The following NXPH1 variants were observed in gnomAD, a reference collection of about 807,000 sequenced individuals.
NXPH1 encodes neurexophilin 1, also known as neurexophilin-1.
NXPH1 carries 5 observed loss-of-function variants against 23.7 expected under a neutral mutation model. That is an observed-to-expected ratio of 0.21 (90% CI 0.11 to 0.44). The LOEUF (loss-of-function observed/expected upper bound fraction) is 0.44. Among genes scored for constraint, NXPH1 ranks in the 20% least tolerant of loss-of-function variants. The pLI is 0.99. For synonymous variants in NXPH1, 144 were observed against 122.2 expected (o/e 1.18, Z -1.18); for missense variants, 324 against 321.6 (o/e 1.01, Z -0.06).
intron 2 of NXPH1, among the ~76,000 whole-genome samples, chr7:8,537,334 G>C (rs572532623): frequency 2.6e-5 from 4 of 152,080 alleles, no homozygotes; most frequent in African/African-American, 9.6e-5. Flanking sequence ...AGGCATACTT[G>C]AGACTGGGTA....
rs1019886945 is a variant in NXPH1 at position 8,693,149 on chromosome 7, C to T, written c.55-57859C>T. Among the ~76,000 whole-genome samples, 4 of 151,984 alleles carry T rather than the reference C, an allele frequency of 2.6e-5. No homozygotes were observed. In the East Asian group the frequency reaches 7.7e-4, roughly 29 times the overall value. ...TCTCATTCTCCATTTGCTTCAAAAA[C>T]AAAAACCAAGAAACAACCCCCGCCG... is the stretch of plus-strand genomic sequence containing the variant. On this transcript the variant is annotated intron_variant, in intron 2 of 2. Coordinates refer to ENST00000405863, the MANE Select transcript of NXPH1 (RefSeq NM_152745.3).
At chr7:8,606,989 C>G (rs1301386383) in intron 2 of NXPH1, among the ~76,000 whole-genome samples, 1 of 152,080 alleles carries the variant, frequency 6.6e-6, no homozygotes, top group African/African-American at 2.4e-5. Flanking sequence ...ATAACCTATT[C>G]TTAGTAAATT....
chr7:8,582,718 G>A (rs1818904543), intron 2 of NXPH1, among the ~76,000 whole-genome samples: 1 of 152,136 alleles, frequency 6.6e-6, no homozygotes, highest in Non-Finnish European at 1.5e-5. Flanking sequence ...GGCCCCACAG[G>A]TGGGCCAGAA....
chr7:8,443,720 G>A (rs1028004635), intron 2 of NXPH1, among the ~76,000 whole-genome samples: 1 of 151,970 alleles, frequency 6.6e-6, no homozygotes, highest in East Asian at 1.9e-4. Context: ...GCAGACGAAT[G>A]GGGGATGCAG....
intron 2 of NXPH1, among the ~76,000 whole-genome samples, chr7:8,704,352 C>A (rs957792333): frequency 3.3e-5 from 5 of 152,052 alleles, no homozygotes; most frequent in Non-Finnish European, 7.4e-5. Flanking sequence ...ATGTGTCTTG[C>A]ACAATCGATT....
chr7:8,681,991 A>G (rs1453295529), intron 2 of NXPH1, among the ~76,000 whole-genome samples: 14 of 152,232 alleles, frequency 9.2e-5, no homozygotes, highest in African/African-American at 3.1e-4. Context: ...GAGCAAAAGC[A>G]AGGAGGCAAG....
intron 2 of NXPH1, among the ~76,000 whole-genome samples, chr7:8,491,322 C>T (rs1249223524): frequency 6.6e-6 from 1 of 151,956 alleles, no homozygotes; most frequent in African/African-American, 2.4e-5. Flanking sequence ...CATTTCCAAT[C>T]ATTTTGCCCA....
rs543835270 is a variant in NXPH1, at chr7:8,737,995, G to C, written c.55-13013G>C. On this transcript the variant is annotated intron_variant, in intron 2 of 2. Coordinates refer to ENST00000405863, the MANE Select transcript of NXPH1 (RefSeq NM_152745.3). ...TTTTCAGCTCCATCAGGTCATTTAT[G>C]TTCTTCTCTAAATTGGTTAATCTAG... is the stretch of plus-strand genomic sequence containing the variant. Among the ~76,000 whole-genome samples, 3 of 152,274 alleles carry C rather than the reference G, an allele frequency of 2.0e-5. No individual in the cohort carries two copies. The South Asian group carries it at 6.2e-4, about 32-fold the overall frequency.
At chr7:8,511,968 C>A (rs1184384152) in intron 2 of NXPH1, among the ~76,000 whole-genome samples, 1 of 152,094 alleles carries the variant, frequency 6.6e-6, no homozygotes, top group African/African-American at 2.4e-5. Context: ...TAGCTCTGGC[C>A]CTTGGCGCTC....
intron 2 of NXPH1, among the ~76,000 whole-genome samples, chr7:8,492,327 A>G (rs1376100796): frequency 6.6e-6 from 1 of 152,050 alleles, no homozygotes; most frequent in African/African-American, 2.4e-5. Context: ...TGAATACTAA[A>G]TTTGGAGTCA....
At position 8,751,236 on chromosome 7, in the gene NXPH1, A is replaced by T; in HGVS notation, c.283A>T (p.Thr95Ser). The change falls in exon 3 of 3, where the codon ACA (threonine) becomes TCA (serine). Residue 95 changes from threonine (T) to serine (S), a missense_variant. Thr to Ser is a moderately conservative substitution (Grantham distance 58, BLOSUM62 1). Coordinates refer to ENST00000405863, the MANE Select transcript of NXPH1 (RefSeq NM_152745.3). This position sits in a 1 kb window ranked among gnomAD's most constrained non-coding sequence, Gnocchi z 4.5. ...QDLWDWLRNS[T>S]DLQEPRPRAK... ...CCTCTGGGACTGGCTGAGGAACTCCACAGACCTTCAAGAGCCTCGGCCCAG... is the reference window on the plus strand; with the variant it reads ...CCTCTGGGACTGGCTGAGGAACTCCTCAGACCTTCAAGAGCCTCGGCCCAG... 6.2e-7 allele frequency: 1 copy of T among 1,613,902 alleles called. No individual in the cohort carries two copies. Among genetic ancestry groups the T allele is most frequent in the Admixed American group, 1.7e-5 (1 of 59,974 alleles).
intron 2 of NXPH1, among the ~76,000 whole-genome samples, chr7:8,580,810 A>G (rs945946845): frequency 2.0e-5 from 3 of 152,130 alleles, no homozygotes; most frequent in African/African-American, 7.2e-5. Flanking sequence ...TTCCAGAGCA[A>G]TTAGGGCACC....
At chr7:8,470,907 C>G (rs1816862376) in intron 2 of NXPH1, among the ~76,000 whole-genome samples, 1 of 151,844 alleles carries the variant, frequency 6.6e-6, no homozygotes, top group South Asian at 2.1e-4. Context: ...GCAGAATGGC[C>G]TAGACATGGG....
At chr7:8,713,760 C>G (rs2097826) in intron 2 of NXPH1, among the ~76,000 whole-genome samples, 11,112 of 152,284 alleles carry the variant, frequency 0.073, 595 homozygotes, top group Admixed American at 0.15. Flanking sequence ...CAGAAGAATT[C>G]TCTGGATTAC....
intron 2 of NXPH1, among the ~76,000 whole-genome samples, chr7:8,668,418 A>G (rs1273850427): frequency 6.6e-6 from 1 of 152,164 alleles, no homozygotes; most frequent in Non-Finnish European, 1.5e-5. Flanking sequence ...GCTACAGTTT[A>G]CAGGTGAGCT....
At chr7:8,641,810 C>T (rs530246915) in intron 2 of NXPH1, among the ~76,000 whole-genome samples, 4 of 152,078 alleles carry the variant, frequency 2.6e-5, no homozygotes, top group South Asian at 2.1e-4. Flanking sequence ...TCTTATACAA[C>T]CTTTTTGTCC....
intron 2 of NXPH1, among the ~76,000 whole-genome samples, chr7:8,457,149 G>A (rs891089517): frequency 6.6e-6 from 1 of 152,132 alleles, no homozygotes; most frequent in Non-Finnish European, 1.5e-5. Flanking sequence ...CTTTACCTGT[G>A]GAAGAGGCAT....
intron 2 of NXPH1, among the ~76,000 whole-genome samples, chr7:8,744,936 CCCTT>C (rs753088261): frequency 2.0e-4 from 30 of 152,170 alleles, no homozygotes; most frequent in Non-Finnish European, 3.4e-4. Context: ...TAATTAGTCT[CCCTT>C]CCTTCAAGGT....
chr7:8,470,301 G>A (rs1405862609), intron 2 of NXPH1, among the ~76,000 whole-genome samples: 1 of 152,140 alleles, frequency 6.6e-6, no homozygotes, highest in Non-Finnish European at 1.5e-5. Context: ...GCACATATAA[G>A]TGATGTTAAT....
Sources: gnomAD v4.1 joint callset for allele counts (sites outside exome capture counted in the v4.1 genomes callset) on GRCh38, gnomAD v4.1.1 for gene constraint, Gnocchi (gnomAD v3.1) non-coding constraint, MANE v1.5 for transcripts, NCBI Gene and HGNC (gene_info 2026-07-23, HGNC 2026-07-21) for gene names.